Variants in LDB1 observed in about 807,000 individuals in gnomAD.
The protein encoded by LDB1 is LIM domain-binding protein 1.
LDB1 carries 6 observed loss-of-function variants against 49.7 expected under a neutral mutation model. The ratio of observed to expected loss-of-function variants is 0.12; its 90% confidence interval spans 0.07 to 0.24. The LOEUF (loss-of-function observed/expected upper bound fraction) is 0.24. Among genes scored for constraint, LDB1 ranks in the 10% least tolerant of loss-of-function variants. The pLI is 1.00. For synonymous variants in LDB1, 233 were observed against 202.0 expected, an observed-to-expected ratio of 1.15 and a Z score of -1.30; for missense variants, 341 against 561.7, an observed-to-expected ratio of 0.61 and a Z score of 3.97.
Position 102,107,948 on chromosome 10 carries a change from C to G in LDB1, c.*145G>C. On this transcript the variant is annotated 3_prime_UTR_variant, in exon 11 of 11. Coordinates refer to ENST00000673968, the MANE Select transcript of LDB1 (RefSeq NM_001113407.3). ...GGGGGGGCAAATCTTGGCACCTGCCCCCAGAGAGTCCAGTTCCTCCCTGAA... is the reference window on the plus strand; with the variant it reads ...GGGGGGGCAAATCTTGGCACCTGCCGCCAGAGAGTCCAGTTCCTCCCTGAA... The G allele has an allele frequency of 1.3e-6, 1 of 743,304 alleles. No homozygotes were observed. The highest frequency in any genetic ancestry group is 1.7e-5 in the South Asian group (1 of 60,080). 46.0% of individuals were successfully genotyped at this position (743,304 alleles called of 1,614,324 possible).
In LDB1 at chr10:102,109,303, G is replaced by T; in HGVS notation, c.856+81C>A. 1 of 1,605,110 alleles carries T rather than the reference G, an allele frequency of 6.2e-7. No homozygotes were observed. The highest frequency in any genetic ancestry group is 8.5e-7 in the Non-Finnish European group (1 of 1,175,086). On this transcript the variant is annotated intron_variant, in intron 9 of 10. Transcript: ENST00000673968. This position sits in a 1 kb window ranked among gnomAD's most constrained non-coding sequence, Gnocchi z 5.8. ...TAGACCCGGGAACAAGGAAGGGGTGGGGAAAACTTCAAAAGGAAATAAAGA... is the reference window on the plus strand; with the variant it reads ...TAGACCCGGGAACAAGGAAGGGGTGTGGAAAACTTCAAAAGGAAATAAAGA...
At chr10:102,118,763 A>G (rs2068364705) in intron 1 of LDB1, among the ~76,000 whole-genome samples, 1 of 152,160 alleles carries the variant, frequency 6.6e-6, no homozygotes, top group African/African-American at 2.4e-5. Flanking sequence ...TGGGTCAATT[A>G]TAAAGGAGAA....
chr10:102,114,359 G>A (rs1286242256), intron 1 of LDB1: 11 of 986,160 alleles, frequency 1.1e-5, no homozygotes, highest in African/African-American at 8.7e-5. Flanking sequence ...GCCGGGCTGA[G>A]GGCCTTCCGC....
intron 1 of LDB1, chr10:102,114,923 C>G: frequency 1.2e-6 from 1 of 803,012 alleles, no homozygotes; most frequent in Non-Finnish European, 1.5e-6. Context: ...CACGCAGCGC[C>G]CGCCGGCTGC....
Position 102,107,197 on chromosome 10 carries a change from G to A in LDB1, c.*896C>T, listed in dbSNP as rs1451791607. Among the ~76,000 whole-genome samples the A allele has an allele frequency of 6.6e-6, 1 of 152,126 alleles. No individual in the cohort carries two copies. Among genetic ancestry groups the A allele is most frequent in the Non-Finnish European group, 1.5e-5 (1 of 68,032 alleles). On this transcript the variant is annotated 3_prime_UTR_variant, in exon 11 of 11. Transcript: ENST00000673968. The stretch of plus-strand genomic sequence containing the variant: ...CATCCTAGACAGCTGCTCTTGTGGA[G>A]GACTTGTAAGGAATATACATACCAT...
chr10:102,120,031 G>T, intron 1 of LDB1, 55 bp downstream of exon 1: 1 of 1,342,138 alleles, frequency 7.5e-7, no homozygotes, highest in Non-Finnish European at 1.0e-6. Flanking sequence ...CGGGGTGAGG[G>T]GTCCGCAGGG....
rs1423793298 is a variant in LDB1 at position 102,120,233 on chromosome 10, C to G, written c.-123G>C. 3 of 983,420 alleles carry G rather than the reference C, an allele frequency of 3.1e-6. No individual in the cohort carries two copies. The highest frequency in any genetic ancestry group is 3.6e-6 in the Non-Finnish European group (3 of 829,492). 60.9% of individuals were successfully genotyped at this position (983,420 alleles called of 1,614,324 possible). On this transcript the variant is annotated 5_prime_UTR_variant, in exon 1 of 11. Coordinates refer to ENST00000673968, the MANE Select transcript of LDB1 (RefSeq NM_001113407.3). ...CGCTGCGCTCGCCGCCGGCCCGGCC[C>G]GGCCTCGGCCCGGTGCGGGCGGCCC...
upstream of LDB1, chr10:102,120,529 T>G (rs2068405493): frequency 3.5e-6 from 1 of 289,670 alleles, no homozygotes; most frequent in Non-Finnish European, 5.2e-6. Context: ...ATATGCTAAT[T>G]GTCCTGCTAG....
intron 1 of LDB1, among the ~76,000 whole-genome samples, chr10:102,118,805 G>A (rs187119723): frequency 6.6e-6 from 1 of 152,312 alleles, no homozygotes; most frequent in Admixed American, 6.5e-5. Flanking sequence ...CACCAAGCTG[G>A]TAGAAAGAGG....
Position 102,110,535 on chromosome 10 carries a change from G to A in LDB1, c.519C>T (p.Phe173=), listed in dbSNP as rs144141375. 5.4e-5 allele frequency: 87 copies of A among 1,611,086 alleles called. No individual in the cohort carries two copies. The African/African-American group carries it at 1.1e-3, about 21-fold the overall frequency. ...ATCCAGCTGGGTTGCTGACCTGGGT[G>A]AACATGGGCTTGCCATGCTGGGTCA... The part of the protein sequence containing the change: ...SMVTQHGKPM[F]TQVCVEGRLY... Residue 173 remains phenylalanine, a synonymous_variant, in exon 6 of 11, where the codon TTC becomes TTT. Coordinates refer to ENST00000673968, the MANE Select transcript of LDB1 (RefSeq NM_001113407.3).
rs774431452 is a variant in LDB1 at position 102,109,176 on chromosome 10, C to T, written c.858G>A (p.Ala286=). The change falls in exon 10 of 11, where the codon GCG becomes GCA. Residue 286 remains alanine (A), a splice_region_variant and synonymous_variant. Coordinates refer to ENST00000673968, the MANE Select transcript of LDB1 (RefSeq NM_001113407.3). This position sits in a 1 kb window ranked among gnomAD's most constrained non-coding sequence, Gnocchi z 5.8. ...QKWQRMVAPP[A]EPTRQQPSKR... is the part of the protein sequence containing the mutation. ...TGCTGGGCTGCTGACGTGTGGGCTC[C>T]GCTGTGCCGGTAAACGGAGACTCAG... 3.1e-6 allele frequency: 5 copies of T among 1,613,470 alleles called. No homozygotes were observed. Among genetic ancestry groups the T allele is most frequent in the East Asian group, 4.5e-5 (2 of 44,892 alleles).
chr10:102,117,481 G>C lies in LDB1; in HGVS notation c.25+2605C>G, dbSNP rs372692895. Among the ~76,000 whole-genome samples the C allele has an allele frequency of 2.7e-3, 414 of 152,224 alleles. 2 individuals are homozygous for C. The highest frequency in any genetic ancestry group is 9.7e-3 in the African/African-American group (401 of 41,518). ...GGAAAGTACTCCTCCTGGAGGTGGGGACTCAAAGGACAGCAGCCAGCCCCA... is the reference window on the plus strand; with the variant it reads ...GGAAAGTACTCCTCCTGGAGGTGGGCACTCAAAGGACAGCAGCCAGCCCCA... On this transcript the variant is annotated intron_variant, in intron 1 of 10. Coordinates refer to ENST00000673968, the MANE Select transcript of LDB1 (RefSeq NM_001113407.3). This position sits in a 1 kb window ranked among gnomAD's most constrained non-coding sequence, Gnocchi z 4.2.
chr10:102,113,354 G>C (rs1313067716), intron 1 of LDB1, among the ~76,000 whole-genome samples: 1 of 152,182 alleles, frequency 6.6e-6, no homozygotes, highest in Admixed American at 6.5e-5. Context: ...AGCAGCCCCA[G>C]GCAGATTCAG....
intron 1 of LDB1, chr10:102,114,673 G>C: frequency 1.2e-6 from 1 of 829,180 alleles, no homozygotes; most frequent in Non-Finnish European, 1.5e-6. Flanking sequence ...GGCCTGGGGG[G>C]CGGGGGGCCG....
Position 102,107,309 on chromosome 10 carries a change from GGTCT to G in LDB1, c.*780_*783del, listed in dbSNP as rs2068177441. On this transcript the variant is annotated 3_prime_UTR_variant, in exon 11 of 11. Transcript: ENST00000673968. ...ATGGGGACACAGAGACAACAGCAGG[GGTCT>G]GTCACCAAAATGTGGCCACCAATGT... Among the ~76,000 whole-genome samples the G allele has an allele frequency of 1.3e-5, 2 of 152,160 alleles. No individual in the cohort carries two copies. The highest frequency in any genetic ancestry group is 1.9e-4 in the East Asian group (1 of 5,182).
At chr10:102,108,437 C>A (rs1274590580) in intron 10 of LDB1, 114 bp from the exon 11 acceptor site, 5 of 705,356 alleles carry the variant, frequency 7.1e-6, no homozygotes, top group African/African-American at 3.6e-5. Context: ...GTCCCCACCC[C>A]CTCCTCATAC....
At chr10:102,111,683 T>A (rs1160698536) in intron 1 of LDB1, 147 bp from the exon 2 acceptor site, 1 of 522,956 alleles carries the variant, frequency 1.9e-6, no homozygotes, top group East Asian at 3.0e-5. Flanking sequence ...AGACCTCGTC[T>A]CTAAAAATAA....
Position 102,108,044 on chromosome 10 carries a change from G to A in LDB1, c.*49C>T. 5 of 1,386,238 alleles carry A rather than the reference G, an allele frequency of 3.6e-6. No homozygotes were observed. Among genetic ancestry groups the A allele is most frequent in the Non-Finnish European group, 5.1e-6 (5 of 976,806 alleles). 85.9% of individuals were successfully genotyped at this position (1,386,238 alleles called of 1,614,324 possible). On this transcript the variant is annotated 3_prime_UTR_variant, in exon 11 of 11. Coordinates refer to ENST00000673968, the MANE Select transcript of LDB1 (RefSeq NM_001113407.3). ...TCTGTCTTCTGCTCCCTGGGGCTGT[G>A]AGGGGTGGGGCAGGTAGGCAGAGCA...
In LDB1 at chr10:102,109,002, A is replaced by G. The variant is rs1192876312; in HGVS notation, c.1005+27T>C. 3.7e-6 allele frequency: 6 copies of G among 1,614,194 alleles called. No homozygotes were observed. Among genetic ancestry groups the G allele is most frequent in the East Asian group, 2.2e-5 (1 of 44,884 alleles). On this transcript the variant is annotated intron_variant, in intron 10 of 10. Transcript: ENST00000673968. This position sits in a 1 kb window ranked among gnomAD's most constrained non-coding sequence, Gnocchi z 5.8. ...AGGGGTGAGTGGTGGGGCAGCCCAG[A>G]AGAGAGAAGAAAGCCGAGATGCTTA...
Sources: gnomAD v4.1 joint callset for allele counts (sites outside exome capture counted in the v4.1 genomes callset) on GRCh38, gnomAD v4.1.1 for gene constraint, Gnocchi (gnomAD v3.1) non-coding constraint, MANE v1.5 for transcripts, NCBI Gene and HGNC (gene_info 2026-07-23, HGNC 2026-07-21) for gene names.